AGPS: variants seen among roughly 807,000 people sequenced by gnomAD.
AGPS encodes the protein alkylglycerone phosphate synthase.
Under a neutral mutation model 90.7 loss-of-function variants are expected in AGPS, and 26 were observed. That is an observed-to-expected ratio of 0.29 (90% CI 0.21 to 0.40). The LOEUF (loss-of-function observed/expected upper bound fraction) is 0.40. Among genes scored for constraint, AGPS ranks in the 10% least tolerant of loss-of-function variants. The pLI is 1.00. For synonymous variants in AGPS, 294 were observed against 285.3 expected (o/e 1.03, Z -0.31); for missense variants, 540 against 816.1 (o/e 0.66, Z 4.12).
chr2:177,489,501 A>T (rs1245642896), intron 11 of AGPS, among the ~76,000 whole-genome samples: 1 of 152,226 alleles, frequency 6.6e-6, no homozygotes, highest in Non-Finnish European at 1.5e-5. Flanking sequence ...CAGATTATGC[A>T]ATCAAGTAAA....
chr2:177,424,958 T>C (rs1305496456), intron 2 of AGPS, among the ~76,000 whole-genome samples: 1 of 152,238 alleles, frequency 6.6e-6, no homozygotes, highest in Non-Finnish European at 1.5e-5. Flanking sequence ...TTAAGTTCCT[T>C]GTAGACTCTG....
At chr2:177,457,085 A>T (rs1364579382) in intron 8 of AGPS, among the ~76,000 whole-genome samples, 1 of 152,248 alleles carries the variant, frequency 6.6e-6, no homozygotes, top group Admixed American at 6.5e-5. Flanking sequence ...CCTGCTCTTG[A>T]ATGACTACTG....
chr2:177,451,469 G>A (rs553468434), intron 8 of AGPS, among the ~76,000 whole-genome samples: 2 of 151,234 alleles, frequency 1.3e-5, no homozygotes, highest in East Asian at 3.9e-4. Context: ...TTACATAGAT[G>A]ACTATGTTGT....
intron 8 of AGPS, among the ~76,000 whole-genome samples, chr2:177,446,374 C>T (rs1686774603): frequency 2.0e-5 from 3 of 152,090 alleles, no homozygotes; most frequent in African/African-American, 7.2e-5. Context: ...ATCTCCTGAC[C>T]TCGTGATCCG....
chr2:177,532,430 G>C (rs1284290694), intron 19 of AGPS, among the ~76,000 whole-genome samples: 1 of 152,088 alleles, frequency 6.6e-6, no homozygotes, highest in Non-Finnish European at 1.5e-5. Context: ...ACACCTATCA[G>C]AATGGCTAAA....
At chr2:177,484,237 T>A (rs1573999756) in intron 11 of AGPS, among the ~76,000 whole-genome samples, 2 of 152,114 alleles carry the variant, frequency 1.3e-5, no homozygotes, top group Non-Finnish European at 1.5e-5. Flanking sequence ...CAAGTTTTAC[T>A]GATTTGTGTA....
chr2:177,417,448 A>T (rs1439513710), intron 1 of AGPS, among the ~76,000 whole-genome samples: 2 of 152,242 alleles, frequency 1.3e-5, no homozygotes, highest in Non-Finnish European at 1.5e-5. Context: ...GGTCCCAAGC[A>T]TTTTGGATAA....
At chr2:177,475,635 C>A (rs1192983967) in intron 10 of AGPS, among the ~76,000 whole-genome samples, 2 of 152,168 alleles carry the variant, frequency 1.3e-5, no homozygotes, top group Non-Finnish European at 1.5e-5. Context: ...ATCAGTACCT[C>A]ATTCCTTTTT....
At chr2:177,395,896 T>C (rs1454404366) in intron 1 of AGPS, among the ~76,000 whole-genome samples, 2 of 152,240 alleles carry the variant, frequency 1.3e-5, no homozygotes, top group Admixed American at 1.3e-4. Context: ...TGTTTCAACA[T>C]TTATAGAGTA....
chr2:177,482,284 C>T (rs1574404459), intron 11 of AGPS, 98 bp downstream of exon 11: 3 of 654,570 alleles, frequency 4.6e-6, no homozygotes, highest in East Asian at 4.3e-5. Context: ...TATGTTACAA[C>T]TAATCTTCAT....
At chr2:177,453,534 T>A (rs371288220) in intron 8 of AGPS, among the ~76,000 whole-genome samples, 152 of 151,864 alleles carry the variant, frequency 1.0e-3, no homozygotes, top group Middle Eastern at 6.8e-3. Flanking sequence ...CCTCCCAAAA[T>A]GCTGGGATTA....
chr2:177,511,843 C>T (rs772956214), intron 16 of AGPS, among the ~76,000 whole-genome samples: 21 of 152,246 alleles, frequency 1.4e-4, no homozygotes, highest in South Asian at 2.1e-4. Flanking sequence ...CAGTCTGGTC[C>T]TTTCTCCATC....
chr2:177,437,317 T>C (rs1415317872), intron 5 of AGPS, among the ~76,000 whole-genome samples: 1 of 152,108 alleles, frequency 6.6e-6, no homozygotes. Flanking sequence ...TGGAAAAACA[T>C]ATTTTTGGAT....
chr2:177,536,048 T>C (rs1255800285), intron 19 of AGPS, among the ~76,000 whole-genome samples: 1 of 152,154 alleles, frequency 6.6e-6, no homozygotes, highest in Admixed American at 6.5e-5. Flanking sequence ...CACCTTCTGT[T>C]TTCCAGCGCT....
At position 177,436,771 on chromosome 2, in the gene AGPS, T is replaced by G; in HGVS notation, c.449T>G (p.Leu150Ter). ...VEHKTTSKAS[L>*]NPSDTPPSVV... ...ATCAATTTTATTTTCTAGGCATCCT[T>G]AAATCCTAGTGATACACCTCCTTCT... is the stretch of plus-strand genomic sequence containing the variant. The change falls in exon 4 of 20, where the codon TTA (leucine) becomes TGA (stop). Residue 150 changes from leucine to a stop codon, truncating the protein, a stop_gained. Transcript: ENST00000264167. LOFTEE classifies it high-confidence loss of function. The G allele has an allele frequency of 6.2e-7, 1 of 1,611,484 alleles. No homozygotes were observed. Among genetic ancestry groups the G allele is most frequent in the Admixed American group, 1.7e-5 (1 of 60,004 alleles).
chr2:177,439,873 C>G (rs920559503), intron 5 of AGPS, among the ~76,000 whole-genome samples: 1 of 152,136 alleles, frequency 6.6e-6, no homozygotes, highest in African/African-American at 2.4e-5. Context: ...CCACTAATGT[C>G]CTATTGCCAG....
At chr2:177,480,511 A>G (rs1248034565) in intron 10 of AGPS, among the ~76,000 whole-genome samples, 2 of 152,164 alleles carry the variant, frequency 1.3e-5, no homozygotes, top group Non-Finnish European at 2.9e-5. Context: ...TCTCACTCAT[A>G]GGTGGGAGTT....
chr2:177,525,452 T>C (rs1161274414), intron 19 of AGPS, among the ~76,000 whole-genome samples: 1 of 152,156 alleles, frequency 6.6e-6, no homozygotes, highest in East Asian at 1.9e-4. Flanking sequence ...ATTAAAACTT[T>C]CCCAGTGTAG....
intron 8 of AGPS, among the ~76,000 whole-genome samples, chr2:177,453,800 A>C (rs75564619): frequency 3.9e-5 from 5 of 127,202 alleles, no homozygotes; most frequent in Non-Finnish European, 6.5e-5. Flanking sequence ...TGATTCTCCT[A>C]CCTCAGCCTC....
Sources: allele counts gnomAD v4.1 joint callset (sites outside exome capture counted in the v4.1 genomes callset), GRCh38; gene constraint gnomAD v4.1.1; transcripts MANE v1.5; gene names NCBI Gene and HGNC (gene_info 2026-07-23, HGNC 2026-07-21).